The following ZC3H15 variants were observed in gnomAD, a reference collection of about 807,000 sequenced individuals.
The protein encoded by ZC3H15 is zinc finger CCCH domain-containing protein 15.
Under a neutral mutation model 51.2 loss-of-function variants are expected in ZC3H15, and 15 were observed. The observed-to-expected ratio is 0.29, with a 90% CI of 0.20 to 0.45. The LOEUF (loss-of-function observed/expected upper bound fraction) is 0.45, where lower values mean the gene tolerates loss of function less well. Among genes scored for constraint, ZC3H15 ranks in the 20% least tolerant of loss-of-function variants. The probability of loss-of-function intolerance (pLI) is 1.00; values close to 1 mark genes in which losing one functional copy is unlikely to be tolerated. For synonymous variants in ZC3H15, 144 were observed against 162.8 expected (o/e 0.88, Z 0.88); for missense variants, 381 against 494.7 (o/e 0.77, Z 2.18).
At chr2:186,502,852 T>G (rs529863489) in intron 5 of ZC3H15, among the ~76,000 whole-genome samples, 1 of 152,166 alleles carries the variant, frequency 6.6e-6, no homozygotes, top group Non-Finnish European at 1.5e-5. Flanking sequence ...TTCTCAAATA[T>G]GGATAAACAA....
intron 9 of ZC3H15, among the ~76,000 whole-genome samples, chr2:186,507,935 TA>T (rs1685492891): frequency 6.6e-6 from 1 of 152,196 alleles, no homozygotes. Context: ...AACTAAAATC[TA>T]AATTAGGCTG....
intron 9 of ZC3H15, 125 bp from the exon 10 acceptor site, chr2:186,508,418 T>A: frequency 1.2e-6 from 1 of 809,008 alleles, no homozygotes. Context: ...GGAGTAATTC[T>A]GGGGAAATGG....
intron 4 of ZC3H15, among the ~76,000 whole-genome samples, chr2:186,502,282 A>G (rs1158802863): frequency 6.6e-6 from 1 of 152,010 alleles, no homozygotes; most frequent in Non-Finnish European, 1.5e-5. Context: ...AGCTCAGTCA[A>G]TCAAGGCTGA....
chr2:186,494,835 G>A (rs145989799), intron 1 of ZC3H15, among the ~76,000 whole-genome samples: 112 of 152,224 alleles, frequency 7.4e-4, no homozygotes, highest in Non-Finnish European at 1.3e-3. Context: ...TGGCGGAGGG[G>A]AGGGATAGCA....
At chr2:186,503,550 G>A (rs1309946565) in intron 5 of ZC3H15, among the ~76,000 whole-genome samples, 1 of 152,004 alleles carries the variant, frequency 6.6e-6, no homozygotes. Flanking sequence ...CTAATTTTTT[G>A]TATTTTTAGT....
intron 2 of ZC3H15, among the ~76,000 whole-genome samples, chr2:186,496,741 T>C (rs1559009561): frequency 6.6e-6 from 1 of 152,256 alleles, no homozygotes; most frequent in Non-Finnish European, 1.5e-5. Flanking sequence ...GATCCAAGGC[T>C]TCTAACTTAT....
intron 4 of ZC3H15, 116 bp from the exon 5 acceptor site, chr2:186,502,380 A>G: frequency 7.0e-6 from 6 of 862,478 alleles, no homozygotes; most frequent in Non-Finnish European, 8.5e-6. Flanking sequence ...AACAAAAAGA[A>G]AAAGAAAAAT....
chr2:186,502,658 C>A (rs1011407925), intron 5 of ZC3H15, 71 bp downstream of exon 5: 1 of 1,222,934 alleles, frequency 8.2e-7, no homozygotes, highest in South Asian at 1.4e-5. Context: ...AAGGTATTTG[C>A]TGCTATTTTC....
In ZC3H15 at chr2:186,495,334, GGTAA is replaced by G. The variant is rs1395645682; in HGVS notation, c.177+5_177+8del. On this transcript the variant is annotated splice_donor_variant and splice_donor_region_variant and intron_variant, in intron 2 of 9. Coordinates refer to ENST00000337859, the MANE Select transcript of ZC3H15 (RefSeq NM_018471.3). LOFTEE classifies it high-confidence loss of function. ...AATTTGGTCAACAAAATCCACGTCAGGTAAGTAATTTAAATGTCCATATCTTTTT... is the reference window on the plus strand; with the variant it reads ...AATTTGGTCAACAAAATCCACGTCAGGTAATTTAAATGTCCATATCTTTTT... The G allele has an allele frequency of 2.7e-6, 4 of 1,484,950 alleles. No individual in the cohort carries two copies. The African/African-American group carries it at 5.8e-5, about 22-fold the overall frequency. The allele number at this position is 1,484,950 out of a possible 1,614,324, so 92.0% of individuals were successfully genotyped here.
At chr2:186,493,559 A>G (rs1376668029) in intron 1 of ZC3H15, among the ~76,000 whole-genome samples, 4 of 152,150 alleles carry the variant, frequency 2.6e-5, no homozygotes, top group Non-Finnish European at 5.9e-5. Context: ...CTCACTAGTC[A>G]AGCCTGCTAT....
At chr2:186,488,223 T>A (rs972165425) in intron 1 of ZC3H15, among the ~76,000 whole-genome samples, 1 of 152,194 alleles carries the variant, frequency 6.6e-6, no homozygotes, top group Non-Finnish European at 1.5e-5. Flanking sequence ...AGGTTCTAGA[T>A]GTATAGTTCT....
At chr2:186,490,333 C>T (rs1211042754) in intron 1 of ZC3H15, among the ~76,000 whole-genome samples, 1 of 152,056 alleles carries the variant, frequency 6.6e-6, no homozygotes, top group Non-Finnish European at 1.5e-5. Context: ...TAATCTTGGA[C>T]TTAGGGCAAG....
At chr2:186,499,162 T>G (rs554986366) in intron 2 of ZC3H15, among the ~76,000 whole-genome samples, 1 of 152,308 alleles carries the variant, frequency 6.6e-6, no homozygotes, top group South Asian at 2.1e-4. Flanking sequence ...TAATGCTCAT[T>G]TTAAGCTCTT....
rs1685382317 is a variant in ZC3H15 at position 186,501,418 on chromosome 2, T to C, written c.435T>C (p.Leu145=). 1.2e-6 allele frequency: 2 copies of C among 1,605,186 alleles called. No homozygotes were observed. The highest frequency in any genetic ancestry group is 1.7e-6 in the Non-Finnish European group (2 of 1,177,006). Residue 145 remains leucine, a synonymous_variant, in exon 4 of 10, where the codon CTT becomes CTC. Transcript: ENST00000337859. ...ACATTGATGCAAGAGATGAAGAACTTGAAAAAGGTAATTTTTTTAAAAACA... is the reference window on the plus strand; with the variant it reads ...ACATTGATGCAAGAGATGAAGAACTCGAAAAAGGTAATTTTTTTAAAAACA... ...SVYIDARDEE[L]EKDTMDNWDE...
intron 3 of ZC3H15, chr2:186,500,610 G>T: frequency 2.0e-6 from 1 of 508,344 alleles, no homozygotes; most frequent in Non-Finnish European, 3.8e-6. Flanking sequence ...TAAACTGTAC[G>T]TCCCAAGTTT....
In ZC3H15 at chr2:186,508,645, A is replaced by T; in HGVS notation, c.1193A>T (p.Asp398Val). 6.2e-7 allele frequency: 1 copy of T among 1,614,134 alleles called. No individual in the cohort carries two copies. ...EREGTENGAI[D>V]AVPVDENLFT... is the part of the protein sequence containing the mutation. ...GAGGGAACGGAAAATGGAGCCATTG[A>T]TGCTGTTCCTGTTGATGAAAATCTT... The change falls in exon 10 of 10, where the codon GAT (aspartate) becomes GTT (valine). Residue 398 changes from aspartate (D) to valine (V), a missense_variant. This residue lies in a region of ZC3H15 where 215 missense variants were observed against 241.8 expected (regional missense o/e 0.89). Transcript: ENST00000337859.
chr2:186,506,556 T>G (rs1685470592), intron 8 of ZC3H15, among the ~76,000 whole-genome samples, 157 bp from the exon 9 acceptor site: 1 of 152,200 alleles, frequency 6.6e-6, no homozygotes, highest in Non-Finnish European at 1.5e-5. Context: ...CCTCCCAAAG[T>G]GTTGGGATTA....
In ZC3H15 at chr2:186,505,445, T is replaced by C. The variant is rs200866728; in HGVS notation, c.718-6T>C. 11 of 1,533,094 alleles carry C rather than the reference T, an allele frequency of 7.2e-6. No homozygotes were observed. Among genetic ancestry groups the C allele is most frequent in the Non-Finnish European group, 9.6e-6 (11 of 1,145,148 alleles). The allele number at this position is 1,533,094 out of a possible 1,614,324, so 95.0% of individuals were successfully genotyped here. On this transcript the variant is annotated splice_polypyrimidine_tract_variant and splice_region_variant and intron_variant, in intron 6 of 9. Coordinates refer to ENST00000337859, the MANE Select transcript of ZC3H15 (RefSeq NM_018471.3). Reference sequence around the variant, plus strand: ...TGGAAAAAAAATTAATTCTTTACCATTGCAGCGTTCTGCCCTAGGTCCAAA... The same window carrying C: ...TGGAAAAAAAATTAATTCTTTACCACTGCAGCGTTCTGCCCTAGGTCCAAA...
intron 1 of ZC3H15, among the ~76,000 whole-genome samples, chr2:186,494,591 A>G (rs933362302): frequency 4.6e-5 from 7 of 152,198 alleles, no homozygotes; most frequent in Non-Finnish European, 7.3e-5. Context: ...TCCTAAATGT[A>G]TTTAACTACA....
Sources: gnomAD v4.1 joint callset for allele counts (sites outside exome capture counted in the v4.1 genomes callset) on GRCh38, gnomAD v4.1.1 for gene constraint, gnomAD v4.1.1 regional missense constraint, MANE v1.5 for transcripts, NCBI Gene and HGNC (gene_info 2026-07-23, HGNC 2026-07-21) for gene names.